MYO1B: variants seen among roughly 807,000 people sequenced by gnomAD.
MYO1B encodes myosin IB.
A neutral mutation model predicts 159.7 loss-of-function variants in MYO1B; 72 were observed. The ratio of observed to expected loss-of-function variants is 0.45; its 90% CI spans 0.37 to 0.55. The LOEUF is 0.55. Among genes scored for constraint, MYO1B ranks in the 20% least tolerant of loss-of-function variants. The pLI is 0.00. For synonymous variants in MYO1B, 468 were observed against 473.8 expected (o/e 0.99, Z 0.16); for missense variants, 1,062 against 1,364.8 (o/e 0.78, Z 3.50).
At chr2:191,415,854 T>G (rs1324535610) in intron 29 of MYO1B, among the ~76,000 whole-genome samples, 1 of 152,164 alleles carries the variant, frequency 6.6e-6, no homozygotes, top group Non-Finnish European at 1.5e-5. Context: ...AGATTCTGCT[T>G]TTCTAGCAAG....
intron 5 of MYO1B, among the ~76,000 whole-genome samples, chr2:191,341,911 T>G (rs1008850602): frequency 6.6e-6 from 1 of 152,134 alleles, no homozygotes; most frequent in African/African-American, 2.4e-5. Flanking sequence ...TGTGGCTGAT[T>G]ATTTTTGTTG....
chr2:191,406,720 G>C (rs1202228702), intron 24 of MYO1B, among the ~76,000 whole-genome samples: 12 of 152,180 alleles, frequency 7.9e-5, no homozygotes, highest in Non-Finnish European at 1.3e-4. Flanking sequence ...TTATCAAAAT[G>C]TGACAGACAC....
At chr2:191,337,469 G>C (rs2125937830) in intron 4 of MYO1B, among the ~76,000 whole-genome samples, 1 of 152,178 alleles carries the variant, frequency 6.6e-6, no homozygotes, top group East Asian at 1.9e-4. Context: ...TTCTGATCTA[G>C]ATATTCTGAT....
At chr2:191,310,508 A>C (rs961442168) in intron 3 of MYO1B, among the ~76,000 whole-genome samples, 5 of 152,320 alleles carry the variant, frequency 3.3e-5, no homozygotes, top group Non-Finnish European at 5.9e-5. Context: ...CGACCTGAAG[A>C]AGGAATTCTT....
intron 3 of MYO1B, 66 bp from the exon 4 acceptor site, chr2:191,329,869 T>C: frequency 7.3e-7 from 1 of 1,379,224 alleles, no homozygotes; most frequent in Non-Finnish European, 1.0e-6. Context: ...GAGCTTGTAG[T>C]TCCATCTGAT....
At chr2:191,298,509 C>T (rs1431899949) in intron 3 of MYO1B, among the ~76,000 whole-genome samples, 1 of 152,148 alleles carries the variant, frequency 6.6e-6, no homozygotes, top group Non-Finnish European at 1.5e-5. Context: ...CTAGGTCTTA[C>T]TTCTCATAAG....
chr2:191,277,123 C>G, intron 2 of MYO1B, 93 bp downstream of exon 2: 1 of 1,474,630 alleles, frequency 6.8e-7, no homozygotes. Flanking sequence ...TTTCTTTTTT[C>G]TCTCTGTTTG....
Position 191,257,116 on chromosome 2 carries a change from A to G in MYO1B, c.-10+11490A>G, listed in dbSNP as rs143805811. Among the ~76,000 whole-genome samples the G allele has an allele frequency of 1.2e-3, 186 of 152,212 alleles. 2 individuals are homozygous for G. Among genetic ancestry groups the G allele is most frequent in the African/African-American group, 3.5e-3 (147 of 41,532 alleles). On this transcript the variant is annotated intron_variant, in intron 1 of 30. Transcript: ENST00000392318. ...ACTGTCATGCAGAAATTATGCACCC[A>G]TTTATTCAATTCAAAATAAAGCATC...
intron 13 of MYO1B, 87 bp downstream of exon 13, chr2:191,370,379 A>T: frequency 1.1e-6 from 1 of 889,890 alleles, no homozygotes; most frequent in Non-Finnish European, 1.8e-6. Flanking sequence ...ATTATAAGTA[A>T]CTGTAACTTT....
intron 2 of MYO1B, among the ~76,000 whole-genome samples, chr2:191,291,489 C>T (rs768966907): frequency 8.5e-5 from 13 of 152,188 alleles, no homozygotes; most frequent in Non-Finnish European, 1.9e-4. Context: ...TTCCCTCCCA[C>T]ATCTCTTTCC....
intron 3 of MYO1B, among the ~76,000 whole-genome samples, chr2:191,326,450 A>G (rs1233194590): frequency 6.6e-6 from 1 of 152,136 alleles, no homozygotes; most frequent in Non-Finnish European, 1.5e-5. Flanking sequence ...GATGACATTT[A>G]TACTGTCCTT....
At chr2:191,290,917 T>A (rs1460719606) in intron 2 of MYO1B, among the ~76,000 whole-genome samples, 1 of 152,160 alleles carries the variant, frequency 6.6e-6, no homozygotes, top group South Asian at 2.1e-4. Flanking sequence ...GTTGTTGCAA[T>A]TGAGAGTAAA....
chr2:191,356,784 A>G (rs751359156), intron 7 of MYO1B, among the ~76,000 whole-genome samples: 2 of 152,214 alleles, frequency 1.3e-5, no homozygotes, highest in Non-Finnish European at 2.9e-5. Context: ...ACGAACTTTC[A>G]ATTATCTGCC....
intron 7 of MYO1B, among the ~76,000 whole-genome samples, chr2:191,356,237 C>T (rs1385393727): frequency 5.3e-5 from 8 of 151,364 alleles, no homozygotes; most frequent in South Asian, 2.1e-4. Context: ...AGTGGATATT[C>T]GTTAATAAAG....
chr2:191,247,925 T>G lies in MYO1B; in HGVS notation c.-10+2299T>G, dbSNP rs555447114. The G allele has an allele frequency of 9.9e-5, 98 of 985,366 alleles. No individual in the cohort carries two copies. The African/African-American group carries it at 1.7e-3, about 17-fold the overall frequency. The allele number at this position is 985,366 out of a possible 1,614,324, so 61.0% of individuals were successfully genotyped here. ...ATCATCACTTTGTCAAGCCTGGAGT[T>G]AAAGACTAACTTACCCTGATTGCTG... On this transcript the variant is annotated intron_variant, in intron 1 of 30. Coordinates refer to ENST00000392318, the MANE Select transcript of MYO1B (RefSeq NM_001130158.3).
intron 19 of MYO1B, among the ~76,000 whole-genome samples, chr2:191,392,453 A>G (rs773436197): frequency 6.6e-6 from 1 of 152,212 alleles, no homozygotes; most frequent in Non-Finnish European, 1.5e-5. Context: ...ATCACAAAGA[A>G]ACTGTTAGGA....
intron 1 of MYO1B, among the ~76,000 whole-genome samples, chr2:191,260,014 T>TA (rs1289371267): frequency 6.6e-6 from 1 of 151,754 alleles, no homozygotes; most frequent in East Asian, 1.9e-4. Context: ...GCTTAGAGGG[T>TA]AGAGTGAGAA....
intron 14 of MYO1B, 138 bp downstream of exon 14, chr2:191,381,704 A>G: frequency 1.5e-6 from 1 of 646,658 alleles, no homozygotes; most frequent in Non-Finnish European, 2.6e-6. Context: ...ATTCTAGAAG[A>G]GGCAAAGCTA....
In MYO1B at chr2:191,320,562, A is replaced by G. The variant is rs61504716; in HGVS notation, c.252-9373A>G. 5.0e-3 allele frequency among the ~76,000 whole-genome samples: 758 copies of G among 152,182 alleles called. 9 individuals carry two copies. The highest frequency in any genetic ancestry group is 0.017 in the African/African-American group (715 of 41,528). On this transcript the variant is annotated intron_variant, in intron 3 of 30. Transcript: ENST00000392318. The stretch of plus-strand genomic sequence containing the variant: ...GTATCTGTCTATATTCAGGCATCTC[A>G]TTAATATTGGTAGATTTAATTGAAT...
Sources: gnomAD v4.1 joint callset for allele counts (sites outside exome capture counted in the v4.1 genomes callset) on GRCh38, gnomAD v4.1.1 for gene constraint, MANE v1.5 for transcripts, NCBI Gene and HGNC (gene_info 2026-07-23, HGNC 2026-07-21) for gene names.